Variants in TTC8 observed in about 807,000 individuals in gnomAD.
TTC8 encodes tetratricopeptide repeat domain 8.
A neutral mutation model predicts 72.5 loss-of-function variants in TTC8; 47 were observed. The ratio of observed to expected loss-of-function variants is 0.65; its 90% CI spans 0.51 to 0.83. The LOEUF is 0.83. TTC8 is among the 40% of genes least tolerant of loss of function. The probability of loss-of-function intolerance (pLI) is 0.00; values close to 1 mark genes in which losing one functional copy is unlikely to be tolerated. For synonymous variants in TTC8, 199 were observed against 221.4 expected, an observed-to-expected ratio of 0.90 and a Z score of 0.90; for missense variants, 611 against 623.2, an observed-to-expected ratio of 0.98 and a Z score of 0.21.
At chr14:88,879,650 ACAT>A (rs1262717001), downstream of TTC8, 1 of 119,146 alleles carries the variant, frequency 8.4e-6, no homozygotes, top group Non-Finnish European at 1.7e-5. Context: ...ACGTGTCACT[ACAT>A]TATTATTATT....
At chr14:88,861,158 A>G in intron 9 of TTC8, 64 bp from the exon 10 acceptor site, 1 of 1,202,398 alleles carries the variant, frequency 8.3e-7, no homozygotes, top group Non-Finnish European at 1.2e-6. Flanking sequence ...CAATAATTAT[A>G]AATGTCATAA....
chr14:88,840,221 T>A (rs2094773656), intron 3 of TTC8: 1 of 156,458 alleles, frequency 6.4e-6, no homozygotes, highest in Admixed American at 6.2e-5. Context: ...ACAGATTTCT[T>A]TGTTCCTTCT....
chr14:88,838,269 G>A (rs1158845307), intron 2 of TTC8, among the ~76,000 whole-genome samples: 1 of 152,146 alleles, frequency 6.6e-6, no homozygotes. Flanking sequence ...TGTGTTCAGG[G>A]AAATTAGGAT....
At chr14:88,829,948 G>A (rs1387782841) in intron 1 of TTC8, among the ~76,000 whole-genome samples, 1 of 152,114 alleles carries the variant, frequency 6.6e-6, no homozygotes, top group Non-Finnish European at 1.5e-5. Context: ...GATTCTATAC[G>A]CTGTGGGGCA....
intron 1 of TTC8, among the ~76,000 whole-genome samples, chr14:88,832,989 T>G (rs1349721780): frequency 2.0e-5 from 3 of 152,246 alleles, no homozygotes; most frequent in African/African-American, 7.2e-5. Context: ...TGTCCTTGCA[T>G]GGTGACCATA....
At chr14:88,834,158 T>C (rs1352563661) in intron 2 of TTC8, among the ~76,000 whole-genome samples, 2 of 152,064 alleles carry the variant, frequency 1.3e-5, no homozygotes, top group East Asian at 3.8e-4. Context: ...ACCTGGTGGC[T>C]CTAAGAGGGA....
intron 10 of TTC8, among the ~76,000 whole-genome samples, chr14:88,869,046 CTT>C (rs2141030950): frequency 6.6e-6 from 1 of 152,206 alleles, no homozygotes; most frequent in Non-Finnish European, 1.5e-5. Flanking sequence ...AGTAGAGTCT[CTT>C]ATATTTGATA....
rs1204641424 is a variant in TTC8, at chr14:88,846,680, G to C, written c.624+2830G>C. On this transcript the variant is annotated intron_variant, in intron 7 of 14. Transcript: ENST00000380656. ...AAAAATCACATTGAAAAAAATGTAA[G>C]ATTTATTCCCTGCACTACTGCACTT... 3.5e-6 allele frequency: 5 copies of C among 1,409,782 alleles called. No individual in the cohort carries two copies. In the East Asian group the frequency reaches 1.0e-4, roughly 28 times the overall value. 87.3% of individuals were successfully genotyped at this position (1,409,782 alleles called of 1,614,324 possible). A position where few individuals can be genotyped will look rare whatever the true frequency, so the allele number is the denominator to read the frequency against.
At chr14:88,847,030 A>G (rs752060663) in intron 7 of TTC8, 45 of 159,920 alleles carry the variant, frequency 2.8e-4, no homozygotes, top group Non-Finnish European at 5.8e-4. Context: ...TAGTTCCTAT[A>G]TAGGGCTCTG....
In TTC8 at chr14:88,877,503, G is replaced by A. The variant is rs116740320; in HGVS notation, c.*93G>A. On this transcript the variant is annotated 3_prime_UTR_variant, in exon 15 of 15. Coordinates refer to ENST00000380656, the MANE Select transcript of TTC8 (RefSeq NM_144596.4). ...TGTATGTATGTATATAGTGTAATAC[G>A]TATATTTTAACAAACCTGTCCTTGA... 5.4e-4 allele frequency: 553 copies of A among 1,027,596 alleles called. 1 individual carries two copies. The African/African-American group carries it at 7.9e-3, about 15-fold the overall frequency. 63.7% of individuals were successfully genotyped at this position (1,027,596 alleles called of 1,614,324 possible).
intron 2 of TTC8, 193 bp downstream of exon 2, chr14:88,833,915 G>A (rs2094738063): frequency 1.6e-6 from 1 of 614,528 alleles, no homozygotes. Context: ...TATATTGATA[G>A]CCTTGTAGAA....
Position 88,841,517 on chromosome 14 carries a change from A to G in TTC8, c.579+3A>G, listed in dbSNP as rs2094781558. On this transcript the variant is annotated splice_donor_region_variant and intron_variant, in intron 6 of 14. Coordinates refer to ENST00000380656, the MANE Select transcript of TTC8 (RefSeq NM_144596.4). ...CCCAGAAACCTAAGTTGGCAAAGGT[A>G]TGTACTTAAAATGATTTTGAGTTAT... The G allele has an allele frequency of 6.2e-7, 1 of 1,606,536 alleles. No homozygotes were observed. The highest frequency in any genetic ancestry group is 8.5e-7 in the Non-Finnish European group (1 of 1,173,436).
Position 88,871,825 on chromosome 14 carries a change from G to A in TTC8, c.1224+102G>A, listed in dbSNP as rs2094935599. The A allele has an allele frequency of 4.4e-6, 6 of 1,356,120 alleles. No individual in the cohort carries two copies. The highest frequency in any genetic ancestry group is 6.3e-6 in the Non-Finnish European group (6 of 954,936). 84.0% of individuals were successfully genotyped at this position (1,356,120 alleles called of 1,614,324 possible). A position where few individuals can be genotyped will look rare whatever the true frequency, so the allele number is the denominator to read the frequency against. ...CCAGCATTTTGGGAGGCTGAAGCAG[G>A]AGGATTGCTTGAGCCCAGGAGTTTG... On this transcript the variant is annotated intron_variant, in intron 12 of 14. Transcript: ENST00000380656. The surrounding 1 kb of genome is among the most constrained non-coding windows in gnomAD (Gnocchi z 4.1).
chr14:88,852,992 T>A lies in TTC8; in HGVS notation c.646T>A (p.Ser216Thr), dbSNP rs992201811. 2 of 1,613,520 alleles carry A rather than the reference T, an allele frequency of 1.2e-6. No homozygotes were observed. The highest frequency in any genetic ancestry group is 3.3e-5 in the Admixed American group (2 of 59,992). The change falls in exon 8 of 15, where the codon TCC becomes ACC. Residue 216 changes from serine to threonine, a missense_variant. Physicochemically the swap from Ser to Thr is moderately conservative, Grantham distance 58 (BLOSUM62 1). Coordinates refer to ENST00000380656, the MANE Select transcript of TTC8 (RefSeq NM_144596.4). ...VKTALDLAAL[S>T]TEHSQYKDWW... is the part of the protein sequence containing the mutation. ...AAAGGCTTTGGATCTGGCTGCCCTCTCCACAGAACATTCTCAGTACAAGGA... is the reference window on the plus strand; with the variant it reads ...AAAGGCTTTGGATCTGGCTGCCCTCACCACAGAACATTCTCAGTACAAGGA...
At chr14:88,851,523 G>A (rs1297284596) in intron 7 of TTC8, among the ~76,000 whole-genome samples, 1 of 152,102 alleles carries the variant, frequency 6.6e-6, no homozygotes, top group African/African-American at 2.4e-5. Context: ...AAGGACTATG[G>A]TCTATTTGCT....
intron 8 of TTC8, among the ~76,000 whole-genome samples, chr14:88,856,070 ACT>A (rs2094854674): frequency 6.6e-6 from 1 of 152,048 alleles, no homozygotes; most frequent in South Asian, 2.1e-4. Flanking sequence ...GGCGACAGAG[ACT>A]CTATCTCAAA....
intron 1 of TTC8, among the ~76,000 whole-genome samples, chr14:88,827,596 A>G (rs1481864237): frequency 6.6e-6 from 1 of 152,214 alleles, no homozygotes; most frequent in African/African-American, 2.4e-5. Flanking sequence ...AAAAGTTTAC[A>G]GGGCTTACTC....
intron 10 of TTC8, among the ~76,000 whole-genome samples, chr14:88,864,416 C>T (rs541513212): frequency 2.0e-4 from 30 of 152,296 alleles, no homozygotes; most frequent in African/African-American, 7.0e-4. Flanking sequence ...TTGCCTTCTG[C>T]TCATTTCAGC....
chr14:88,872,530 G>A (rs1302460530), intron 13 of TTC8, 78 bp downstream of exon 13: 23 of 1,585,146 alleles, frequency 1.5e-5, no homozygotes, highest in East Asian at 2.3e-5. Flanking sequence ...GCATTACAGC[G>A]TATGTTATTT....
Sources: allele counts gnomAD v4.1 joint callset (sites outside exome capture counted in the v4.1 genomes callset), GRCh38; gene constraint gnomAD v4.1.1; non-coding constraint Gnocchi (gnomAD v3.1); transcripts MANE v1.5; gene names NCBI Gene and HGNC (gene_info 2026-07-23, HGNC 2026-07-21).